The following TRAPPC9 variants were observed in gnomAD, a reference collection of about 807,000 sequenced individuals.
The protein encoded by TRAPPC9 is IKK2 binding protein.
Under a neutral mutation model 124.0 loss-of-function variants are expected in TRAPPC9, and 83 were observed. The ratio of observed to expected loss-of-function variants is 0.67; its 90% CI spans 0.56 to 0.80. The LOEUF (loss-of-function observed/expected upper bound fraction) is 0.80, where lower values mean the gene tolerates loss of function less well. Ranked by LOEUF, TRAPPC9 falls within the 30% of genes least tolerant of loss-of-function variation. The pLI is 0.00. For missense variants in TRAPPC9, 1,302 were observed against 1,508.3 expected, an observed-to-expected ratio of 0.86 and a Z score of 2.27; for synonymous variants, 638 against 617.5, an observed-to-expected ratio of 1.03 and a Z score of -0.49.
intron 16 of TRAPPC9, among the ~76,000 whole-genome samples, chr8:140,249,635 G>A (rs560352123): frequency 1.0e-3 from 118 of 113,790 alleles, no homozygotes; most frequent in Non-Finnish European, 1.0e-3. Flanking sequence ...ATGGAGTCTC[G>A]CTCTGTCACC....
chr8:139,892,767 C>T (rs1214584161), intron 20 of TRAPPC9, among the ~76,000 whole-genome samples: 2 of 152,218 alleles, frequency 1.3e-5, no homozygotes, highest in Non-Finnish European at 1.5e-5. Flanking sequence ...TATAGAAGCG[C>T]ATCGAGGCAC....
chr8:139,800,613 G>T (rs1823428968), intron 21 of TRAPPC9, among the ~76,000 whole-genome samples: 1 of 152,318 alleles, frequency 6.6e-6, no homozygotes, highest in East Asian at 1.9e-4. Flanking sequence ...CAGAAGGCAG[G>T]TTTTTCATCT....
chr8:140,128,935 G>T (rs542201524), intron 17 of TRAPPC9, among the ~76,000 whole-genome samples: 7 of 149,520 alleles, frequency 4.7e-5, no homozygotes, highest in Non-Finnish European at 7.4e-5. Flanking sequence ...AAACCTGCAC[G>T]TTGTGCACAT....
At chr8:140,340,637 A>G (rs531904411) in intron 9 of TRAPPC9, among the ~76,000 whole-genome samples, 3 of 152,208 alleles carry the variant, frequency 2.0e-5, no homozygotes, top group Non-Finnish European at 4.4e-5. Context: ...TAAATTGTCA[A>G]AGGTCACATT....
At chr8:140,355,212 T>C (rs984653418) in intron 9 of TRAPPC9, among the ~76,000 whole-genome samples, 1 of 152,232 alleles carries the variant, frequency 6.6e-6, no homozygotes, top group Admixed American at 6.5e-5. Flanking sequence ...TAGAGGGTTA[T>C]GCTGCCTTTT....
intron 10 of TRAPPC9, among the ~76,000 whole-genome samples, chr8:140,304,093 A>G (rs866837088): frequency 7.1e-6 from 1 of 140,894 alleles, no homozygotes; most frequent in Non-Finnish European, 1.6e-5. Context: ...GCCTGACTTA[A>G]TTTTTTTTTT....
Position 140,386,131 on chromosome 8 carries a change from G to A in TRAPPC9, c.1134+11489C>T, listed in dbSNP as rs201451444. Among the ~76,000 whole-genome samples, 6 of 152,198 alleles carry A rather than the reference G, an allele frequency of 3.9e-5. No individual in the cohort carries two copies. The South Asian group carries it at 6.2e-4, about 16-fold the overall frequency. ...AAAATTCAACAGCCCTTCATGCTAA[G>A]AACTCTCAATAAATTAGGTATTGAT... is the stretch of plus-strand genomic sequence containing the variant. On this transcript the variant is annotated intron_variant, in intron 7 of 22. Coordinates refer to ENST00000438773, the MANE Select transcript of TRAPPC9 (RefSeq NM_001160372.4).
intron 4 of TRAPPC9, among the ~76,000 whole-genome samples, chr8:140,429,231 A>G (rs2070541599): frequency 6.6e-6 from 1 of 151,844 alleles, no homozygotes. Context: ...ACAGGTGCGC[A>G]CCACCACGTC....
At chr8:139,779,033 T>A (rs1366004093) in intron 21 of TRAPPC9, among the ~76,000 whole-genome samples, 6 of 152,246 alleles carry the variant, frequency 3.9e-5, no homozygotes, top group East Asian at 1.9e-4. Flanking sequence ...TGGCAAAAAC[T>A]GCAACTACTT....
chr8:140,221,399 A>G (rs934396635), intron 17 of TRAPPC9, 60 bp downstream of exon 17: 14 of 1,610,394 alleles, frequency 8.7e-6, no homozygotes, highest in Middle Eastern at 1.6e-4. Context: ...TGTGCTTCAG[A>G]AACGGCTTTG....
chr8:139,830,855 G>A (rs528593502), intron 21 of TRAPPC9, among the ~76,000 whole-genome samples: 4 of 152,324 alleles, frequency 2.6e-5, no homozygotes, highest in East Asian at 1.9e-4. Flanking sequence ...TGGTGACCAC[G>A]AACAGAGGGT....
At chr8:139,887,912 C>A (rs1400665074) in intron 20 of TRAPPC9, among the ~76,000 whole-genome samples, 1 of 152,186 alleles carries the variant, frequency 6.6e-6, no homozygotes, top group Non-Finnish European at 1.5e-5. Flanking sequence ...AGTGCAGAGG[C>A]CACGCCTCAT....
rs149638558 is a variant in TRAPPC9, at chr8:140,338,498, G to A, written c.1495+21552C>T. On this transcript the variant is annotated intron_variant, in intron 9 of 22. Transcript: ENST00000438773. ...ACAGGTTGAATCGTGTCCCCTCCCC[G>A]CAAAATTCGTATATTGAAGTCCTAA... Among the ~76,000 whole-genome samples, 15 of 152,278 alleles carry A rather than the reference G, an allele frequency of 9.9e-5. 1 individual carries two copies. In the East Asian group the frequency reaches 2.3e-3, roughly 24 times the overall value.
At position 140,020,000 on chromosome 8, in the gene TRAPPC9, T is replaced by C. The variant is rs936341890; in HGVS notation, c.2699+3937A>G. 2.1e-3 allele frequency among the ~76,000 whole-genome samples: 299 copies of C among 145,316 alleles called. 1 individual carries two copies. The highest frequency in any genetic ancestry group is 3.6e-3 in the Non-Finnish European group (243 of 67,884). Reference sequence around the variant, plus strand: ...GGGATGTCCCATCACACCCGGCTAATTTTTTTTAATGTTTTGTATGTTTTA... The same window carrying C: ...GGGATGTCCCATCACACCCGGCTAACTTTTTTTAATGTTTTGTATGTTTTA... On this transcript the variant is annotated intron_variant, in intron 18 of 22. Coordinates refer to ENST00000438773, the MANE Select transcript of TRAPPC9 (RefSeq NM_001160372.4).
rs1201924876 is a variant in TRAPPC9 at position 139,742,318 on chromosome 8, C to A, written c.3056-10116G>T. On this transcript the variant is annotated intron_variant, in intron 21 of 22. Coordinates refer to ENST00000438773, the MANE Select transcript of TRAPPC9 (RefSeq NM_001160372.4). The surrounding 1 kb of genome is among the most constrained non-coding windows in gnomAD (Gnocchi z 4.7). ...TCCCTGTGCAGACAGCCCAGCTTCGCCCCACCAGCCTGGGACAGCTGTTTG... is the reference window on the plus strand; with the variant it reads ...TCCCTGTGCAGACAGCCCAGCTTCGACCCACCAGCCTGGGACAGCTGTTTG... 6.6e-6 allele frequency among the ~76,000 whole-genome samples: 1 copy of A among 152,248 alleles called. No individual in the cohort carries two copies. The highest frequency in any genetic ancestry group is 2.4e-5 in the African/African-American group (1 of 41,472).
chr8:140,111,310 T>C (rs1188858377), intron 17 of TRAPPC9, among the ~76,000 whole-genome samples: 1 of 152,016 alleles, frequency 6.6e-6, no homozygotes, highest in Non-Finnish European at 1.5e-5. Flanking sequence ...TCAGAGGTCA[T>C]TACCTTCAAG....
At chr8:140,413,507 G>T (rs2069782737) in intron 5 of TRAPPC9, among the ~76,000 whole-genome samples, 1 of 149,588 alleles carries the variant, frequency 6.7e-6, no homozygotes. Flanking sequence ...GAAGAACAAA[G>T]TCTTTTTTTT....
At position 140,252,554 on chromosome 8, in the gene TRAPPC9, A is replaced by T. The variant is rs1438890640; in HGVS notation, c.2431+223T>A. The T allele has an allele frequency of 1.8e-6, 1 of 551,422 alleles. No individual in the cohort carries two copies. Among genetic ancestry groups the T allele is most frequent in the Non-Finnish European group, 3.2e-6 (1 of 311,174 alleles). The allele number at this position is 551,422 out of a possible 1,614,324, so 34.2% of individuals were successfully genotyped here. A position where few individuals can be genotyped will look rare whatever the true frequency, so the allele number is the denominator to read the frequency against. On this transcript the variant is annotated intron_variant, in intron 16 of 22. Transcript: ENST00000438773. The surrounding 1 kb of genome is among the most constrained non-coding windows in gnomAD (Gnocchi z 4.2). Reference sequence around the variant, plus strand: ...TGCTGGTAAATGAGTACAAAATAATAAAGAGTGAGAATTAAATCATTTAGA... The same window carrying T: ...TGCTGGTAAATGAGTACAAAATAATTAAGAGTGAGAATTAAATCATTTAGA...
At chr8:140,298,792 C>T (rs745788910) in intron 11 of TRAPPC9, among the ~76,000 whole-genome samples, 4 of 152,174 alleles carry the variant, frequency 2.6e-5, no homozygotes, top group Non-Finnish European at 5.9e-5. Context: ...GACACTTAAA[C>T]GTCGTGAATC....
Sources: allele counts gnomAD v4.1 joint callset (sites outside exome capture counted in the v4.1 genomes callset), GRCh38; gene constraint gnomAD v4.1.1; non-coding constraint Gnocchi (gnomAD v3.1); transcripts MANE v1.5; gene names NCBI Gene and HGNC (gene_info 2026-07-23, HGNC 2026-07-21).